Variants in ZNF335 observed in about 807,000 individuals in gnomAD.
ZNF335 encodes the protein NRC-interacting factor 1.
ZNF335 carries 84 observed loss-of-function variants against 145.6 expected under a neutral mutation model. The observed-to-expected ratio is 0.58, with a 90% CI of 0.48 to 0.69. ZNF335 has a LOEUF of 0.69. Ranked by LOEUF, ZNF335 falls within the 30% of genes least tolerant of loss-of-function variation. The pLI is 0.00. For missense variants in ZNF335, 1,865 were observed against 1,809.7 expected (o/e 1.03, Z -0.55); for synonymous variants, 761 against 717.0 (o/e 1.06, Z -0.98).
At chr20:45,950,910 G>C (rs1466497385) in intron 20 of ZNF335, among the ~76,000 whole-genome samples, 1 of 149,232 alleles carries the variant, frequency 6.7e-6, no homozygotes, top group Non-Finnish European at 1.5e-5. Flanking sequence ...TTTTTTTTTT[G>C]AGACAGTTTT....
Position 45,959,262 on chromosome 20 carries a change from T to C in ZNF335, c.2192A>G (p.Glu731Gly). 1.3e-6 allele frequency: 2 copies of C among 1,514,020 alleles called. No individual in the cohort carries two copies. The highest frequency in any genetic ancestry group is 2.5e-5 in the South Asian group (2 of 78,952). The allele number at this position is 1,514,020 out of a possible 1,614,324, so 93.8% of individuals were successfully genotyped here. ...GGCCGCACTGTGCTGCTGCTTCAGC[T>C]CCTCAATCTGCTGCAGAGAGAAGAA... ...RPFFSLQQIE[E>G]LKQQHSAAPG... The change falls in exon 15 of 28, where the codon GAG (glutamate) becomes GGG (glycine). Residue 731 changes from glutamate to glycine, a missense_variant. Transcript: ENST00000322927.
At chr20:45,969,713 G>A (rs559965769) in intron 2 of ZNF335, 22 bp from the exon 3 acceptor site, 8 of 1,607,530 alleles carry the variant, frequency 5.0e-6, no homozygotes, top group African/African-American at 4.0e-5. Flanking sequence ...GAAACAGGGA[G>A]GGAAAAAGTT....
At position 45,962,116 on chromosome 20, in the gene ZNF335, A is replaced by G; in HGVS notation, c.1600T>C (p.Tyr534His). The change falls in exon 10 of 28, where the codon TAC becomes CAC. Residue 534 changes from tyrosine to histidine, a missense_variant. Tyr to His is a moderately conservative substitution (Grantham distance 83). Transcript: ENST00000322927. ...GCGTGCCGAATGACGTCCTTCCGGTAGACACTGGTGTAGCTGCACTCGTCA... is the reference window on the plus strand; with the variant it reads ...GCGTGCCGAATGACGTCCTTCCGGTGGACACTGGTGTAGCTGCACTCGTCA... ...KCDECSYTSV[Y>H]RKDVIRHAAV... 2 of 1,610,496 alleles carry G rather than the reference A, an allele frequency of 1.2e-6. No homozygotes were observed. Among genetic ancestry groups the G allele is most frequent in the Non-Finnish European group, 1.7e-6 (2 of 1,178,382 alleles).
rs2083753537 is a variant in ZNF335, at chr20:45,957,648, T to G, written c.2380A>C (p.Thr794Pro). The change falls in exon 17 of 28, where the codon ACA (threonine) becomes CCA (proline). Residue 794 changes from threonine to proline, a missense_variant. By Grantham distance (38) the Thr-to-Pro change is conservative. Coordinates refer to ENST00000322927, the MANE Select transcript of ZNF335 (RefSeq NM_022095.4). ...ATGTTCAGCAGAAGATCCAAGGCTG[T>G]CTGCGTGGCCATCGCTGTCGACTCC... ...AEESTAMATQ[T>P]ALDLLLNMSA... 1.9e-6 allele frequency: 3 copies of G among 1,614,066 alleles called. No individual in the cohort carries two copies. The highest frequency in any genetic ancestry group is 1.3e-5 in the African/African-American group (1 of 74,914).
At chr20:45,968,576 G>GTTTTTTAATGAT in intron 3 of ZNF335, 1 of 477,794 alleles carries the variant, frequency 2.1e-6, no homozygotes, top group South Asian at 3.8e-5. Context: ...TGACTCAGCA[G>GTTTTTTAATGAT]CCGGCCCACA....
Position 45,949,573 on chromosome 20 carries a change from T to A in ZNF335, c.3670-5A>T, listed in dbSNP as rs1298204257. Reference sequence around the variant, plus strand: ...CTGGGAGATGATATACTGCACCTGTTGGTGGGGGGGGCGGGCATGGCGAGG... The same window carrying A: ...CTGGGAGATGATATACTGCACCTGTAGGTGGGGGGGGCGGGCATGGCGAGG... On this transcript the variant is annotated splice_region_variant and splice_polypyrimidine_tract_variant and intron_variant, in intron 24 of 27. Transcript: ENST00000322927. 1 of 1,591,532 alleles carries A rather than the reference T, an allele frequency of 6.3e-7. No homozygotes were observed. Among genetic ancestry groups the A allele is most frequent in the Non-Finnish European group, 8.6e-7 (1 of 1,164,326 alleles).
At position 45,952,679 on chromosome 20, in the gene ZNF335, A is replaced by G. The variant is rs2083656397; in HGVS notation, c.2733T>C (p.Ala911=). 2 of 1,613,672 alleles carry G rather than the reference A, an allele frequency of 1.2e-6. No homozygotes were observed. The highest frequency in any genetic ancestry group is 1.3e-5 in the African/African-American group (1 of 74,910). The change falls in exon 19 of 28, where the codon GCT becomes GCC. Residue 911 remains alanine, a synonymous_variant. Coordinates refer to ENST00000322927, the MANE Select transcript of ZNF335 (RefSeq NM_022095.4). ...SEEPAGEAAQ[A]VVVSDTLKEA... is the part of the protein sequence containing the mutation. Reference sequence around the variant, plus strand: ...CTTTTAGGGTGTCACTCACAACCACAGCCTGGGCTGCCTCTCCTGCGGGCT... The same window carrying G: ...CTTTTAGGGTGTCACTCACAACCACGGCCTGGGCTGCCTCTCCTGCGGGCT...
At chr20:45,951,279 A>G (rs1048150637) in intron 20 of ZNF335, among the ~76,000 whole-genome samples, 1 of 152,008 alleles carries the variant, frequency 6.6e-6, no homozygotes, top group Non-Finnish European at 1.5e-5. Context: ...TCCCTCTCCA[A>G]CCTCTGGAGA....
chr20:45,971,501 C>T (rs1291645057), intron 1 of ZNF335, 41 bp from the exon 2 acceptor site: 21 of 1,536,148 alleles, frequency 1.4e-5, no homozygotes, highest in Non-Finnish European at 1.8e-5. Flanking sequence ...AGTGGGCCAT[C>T]TCCCCAGCCC....
intron 1 of ZNF335, 99 bp downstream of exon 1, chr20:45,972,023 G>A: frequency 8.1e-7 from 1 of 1,235,800 alleles, no homozygotes; most frequent in Non-Finnish European, 1.0e-6. Flanking sequence ...TGTTCGGACA[G>A]CCCCGCCGGC....
chr20:45,966,647 T>G (rs1357401049), intron 6 of ZNF335, among the ~76,000 whole-genome samples: 5 of 144,804 alleles, frequency 3.5e-5, no homozygotes, highest in African/African-American at 1.3e-4. Flanking sequence ...ACCTCCCGGG[T>G]TCAAGCGAAT....
chr20:45,971,841 TC>T (rs576045405), intron 1 of ZNF335: 6 of 983,668 alleles, frequency 6.1e-6, no homozygotes, highest in East Asian at 1.1e-4. Flanking sequence ...AGTGGTTCGC[TC>T]CCCCCCGGTT....
intron 3 of ZNF335, among the ~76,000 whole-genome samples, chr20:45,969,183 G>A (rs1317986352): frequency 1.3e-5 from 2 of 152,244 alleles, no homozygotes; most frequent in African/African-American, 4.8e-5. Flanking sequence ...GCTACTGTAT[G>A]TAAAGTTTAG....
Position 45,949,915 on chromosome 20 carries a change from C to T in ZNF335, c.3592-38G>A, listed in dbSNP as rs183264748. The T allele has an allele frequency of 1.2e-5, 20 of 1,613,964 alleles. No homozygotes were observed. The South Asian group carries it at 2.0e-4, about 16-fold the overall frequency. On this transcript the variant is annotated intron_variant, in intron 23 of 27. Coordinates refer to ENST00000322927, the MANE Select transcript of ZNF335 (RefSeq NM_022095.4). ...AGACAGCTCTAGCCTCATTTCTCTACCCCAACCCCTGCCTGTCGCTGGCCA... is the reference window on the plus strand; with the variant it reads ...AGACAGCTCTAGCCTCATTTCTCTATCCCAACCCCTGCCTGTCGCTGGCCA...
In ZNF335 at chr20:45,972,178, C is replaced by T. The variant is rs182155001; in HGVS notation, c.-107G>A. 95 of 1,289,462 alleles carry T rather than the reference C, an allele frequency of 7.4e-5. No individual in the cohort carries two copies. In the African/African-American group the frequency reaches 1.3e-3, roughly 17 times the overall value. The allele number at this position is 1,289,462 out of a possible 1,614,324, so 79.9% of individuals were successfully genotyped here. A position where few individuals can be genotyped will look rare whatever the true frequency, so the allele number is the denominator to read the frequency against. On this transcript the variant is annotated 5_prime_UTR_variant, in exon 1 of 28. Coordinates refer to ENST00000322927, the MANE Select transcript of ZNF335 (RefSeq NM_022095.4). Reference sequence around the variant, plus strand: ...CTCCGGCATCGACGAGGTCGCCATCCTCTTTCCTCCGCTGCGGAGGAACCC... The same window carrying T: ...CTCCGGCATCGACGAGGTCGCCATCTTCTTTCCTCCGCTGCGGAGGAACCC...
intron 2 of ZNF335, among the ~76,000 whole-genome samples, chr20:45,970,407 G>A (rs760110245): frequency 3.9e-5 from 6 of 152,220 alleles, no homozygotes; most frequent in Non-Finnish European, 7.3e-5. Flanking sequence ...AATACTTACT[G>A]AGTGCTTACA....
At position 45,949,019 on chromosome 20, in the gene ZNF335, G is replaced by A. The variant is rs114581171; in HGVS notation, c.3963C>T (p.Pro1321=). ...QGLFGTDETV[P]EHIQQLQHQG... ...GGTGCTGCAGCTGTTGAATGTGTTC[G>A]GGCACTGTCTCGTCTGTACCAAACA... Residue 1321 remains proline, a synonymous_variant, in exon 28 of 28, where the codon CCC becomes CCT. Coordinates refer to ENST00000322927, the MANE Select transcript of ZNF335 (RefSeq NM_022095.4). The A allele has an allele frequency of 1.3e-4, 209 of 1,613,922 alleles. No homozygotes were observed. In the African/African-American group the frequency reaches 2.4e-3, roughly 18 times the overall value.
rs113958814 is a variant in ZNF335, at chr20:45,949,352, G to T, written c.3800C>A (p.Pro1267Gln). 1.5e-3 allele frequency: 2,453 copies of T among 1,614,124 alleles called. 33 individuals are homozygous for T. The African/African-American group carries it at 0.028, about 18-fold the overall frequency. ...ITHIQYEQGA[P>Q]FLQESQIQYV... ...CCCTACCTGGGACTCCTGAAGGAAC[G>T]GGGCTCCTTGTTCATACTGGATGTG... Residue 1267 changes from proline to glutamine, a missense_variant, in exon 26 of 28, where the codon CCG becomes CAG. Pro to Gln is a moderately conservative substitution (Grantham distance 76). Transcript: ENST00000322927.
chr20:45,953,600 T>A, intron 18 of ZNF335, 89 bp downstream of exon 18: 2 of 1,551,040 alleles, frequency 1.3e-6, no homozygotes, highest in South Asian at 2.4e-5. Context: ...TTTTGCCTCC[T>A]GCCAACTAGG....
Sources: gnomAD v4.1 joint callset for allele counts (sites outside exome capture counted in the v4.1 genomes callset) on GRCh38, gnomAD v4.1.1 for gene constraint, MANE v1.5 for transcripts, NCBI Gene and HGNC (gene_info 2026-07-23, HGNC 2026-07-21) for gene names.